The following FOXN1 variants were observed in gnomAD, a reference collection of about 807,000 sequenced individuals.
FOXN1 encodes forkhead box N1, also known as forkhead box protein N1.
Under a neutral mutation model 49.0 loss-of-function variants are expected in FOXN1, and 15 were observed. The observed-to-expected ratio is 0.31, with a 90% CI of 0.20 to 0.47. The LOEUF (loss-of-function observed/expected upper bound fraction) is 0.47. Ranked by LOEUF, FOXN1 falls within the 20% of genes least tolerant of loss-of-function variation. FOXN1 has a pLI of 1.00. For missense variants in FOXN1, 800 were observed against 842.8 expected (o/e 0.95, Z 0.63); for synonymous variants, 356 against 369.0 (o/e 0.96, Z 0.40).
chr17:28,532,987 A>T (rs1025567284), intron 6 of FOXN1, among the ~76,000 whole-genome samples: 3 of 152,194 alleles, frequency 2.0e-5, no homozygotes, highest in Admixed American at 6.5e-5. Context: ...TGGTGGCTCA[A>T]GAATCCTCCC....
chr17:28,527,445 G>A (rs905182420), intron 4 of FOXN1, 84 bp downstream of exon 4: 6 of 804,136 alleles, frequency 7.5e-6, no homozygotes, highest in South Asian at 1.4e-5. Flanking sequence ...TCTATGTGAT[G>A]GCATGTGTTC....
chr17:28,506,699 G>A (rs1263918445), intron 1 of FOXN1, among the ~76,000 whole-genome samples: 1 of 152,174 alleles, frequency 6.6e-6, no homozygotes, highest in Admixed American at 6.5e-5. Context: ...TCTCATTCTG[G>A]TGTGTGCTGG....
chr17:28,509,712 C>T (rs543364889), intron 1 of FOXN1, among the ~76,000 whole-genome samples: 1 of 152,382 alleles, frequency 6.6e-6, no homozygotes, highest in Non-Finnish European at 1.5e-5. Context: ...GGCGCCCAGA[C>T]AGACCTCCAC....
At chr17:28,522,706 T>A (rs2069664882) in intron 1 of FOXN1, among the ~76,000 whole-genome samples, 1 of 150,098 alleles carries the variant, frequency 6.7e-6, no homozygotes. Context: ...GGTGTGGTGG[T>A]ACAAGCCTGT....
At chr17:28,518,268 C>T (rs1224897360) in intron 1 of FOXN1, among the ~76,000 whole-genome samples, 1 of 152,244 alleles carries the variant, frequency 6.6e-6, no homozygotes, top group Non-Finnish European at 1.5e-5. Context: ...GCCTCAGCAT[C>T]TTTAGATGCA....
intron 2 of FOXN1, 69 bp downstream of exon 2, chr17:28,524,161 G>A (rs2069709007): frequency 4.7e-6 from 7 of 1,497,098 alleles, no homozygotes; most frequent in East Asian, 2.5e-5. Context: ...AAGAAGACCA[G>A]TCACCTTACC....
At chr17:28,510,896 C>T (rs1222585761) in intron 1 of FOXN1, among the ~76,000 whole-genome samples, 2 of 152,202 alleles carry the variant, frequency 1.3e-5, no homozygotes, top group African/African-American at 4.8e-5. Context: ...CCAGTATGAT[C>T]TGAGGGTGGT....
rs774123218 is a variant in FOXN1 at position 28,534,481 on chromosome 17, C to T, written c.1078C>T (p.Leu360=). ...CAAGATCGACAAGATGCAAGAGGAG[C>T]TGCAAAAATGGAAGAGGAAAGATCC... is the stretch of plus-strand genomic sequence containing the variant. ...PAKIDKMQEE[L]QKWKRKDPIA... Residue 360 remains leucine, a synonymous_variant, in exon 7 of 9, where the codon CTG becomes TTG. Transcript: ENST00000579795. The surrounding 1 kb of genome is among the most constrained non-coding windows in gnomAD (Gnocchi z 4.1). The T allele has an allele frequency of 6.2e-7, 1 of 1,613,878 alleles. No homozygotes were observed. Among genetic ancestry groups the T allele is most frequent in the South Asian group, 1.1e-5 (1 of 91,074 alleles).
chr17:28,522,785 C>A (rs973378935), intron 1 of FOXN1, among the ~76,000 whole-genome samples: 1 of 151,920 alleles, frequency 6.6e-6, no homozygotes, highest in African/African-American at 2.4e-5. Context: ...TTGCAGTAAG[C>A]CAAGATGATG....
intron 1 of FOXN1, among the ~76,000 whole-genome samples, chr17:28,521,590 G>A (rs987494151): frequency 6.6e-6 from 1 of 152,238 alleles, no homozygotes. Context: ...CCCTGGTCAC[G>A]CCACATTTAG....
chr17:28,508,101 G>A (rs1263148882), intron 1 of FOXN1, among the ~76,000 whole-genome samples: 1 of 152,156 alleles, frequency 6.6e-6, no homozygotes, highest in Non-Finnish European at 1.5e-5. Flanking sequence ...CAGGCCCGGC[G>A]CCTCACTCAC....
chr17:28,521,559 G>C (rs140939323), intron 1 of FOXN1, among the ~76,000 whole-genome samples: 1 of 152,222 alleles, frequency 6.6e-6, no homozygotes, highest in Non-Finnish European at 1.5e-5. Context: ...GTGGTGTCCC[G>C]TTACGGCCAG....
Position 28,537,787 on chromosome 17 carries a change from C to A in FOXN1, c.*351C>A. 2.6e-6 allele frequency: 1 copy of A among 386,888 alleles called. No homozygotes were observed. 24.0% of individuals were successfully genotyped at this position (386,888 alleles called of 1,614,324 possible). A position where few individuals can be genotyped will look rare whatever the true frequency, so the allele number is the denominator to read the frequency against. On this transcript the variant is annotated 3_prime_UTR_variant, in exon 9 of 9. Coordinates refer to ENST00000579795, the MANE Select transcript of FOXN1 (RefSeq NM_001369369.1). ...GTACACCCACCCACATATCTTACAGCCAGAGGAACCAGCACTCCATCACTG... is the reference window on the plus strand; with the variant it reads ...GTACACCCACCCACATATCTTACAGACAGAGGAACCAGCACTCCATCACTG...
In FOXN1 at chr17:28,534,424, C is replaced by A; in HGVS notation, c.1021C>A (p.Arg341Ser). The change falls in exon 7 of 9, where the codon CGC becomes AGC. Residue 341 changes from arginine (R) to serine (S), a missense_variant. By Grantham distance (110) the Arg-to-Ser change is moderately radical (BLOSUM62 -1). This residue lies in a region of FOXN1 where 73 missense variants were observed against 118.9 expected (regional missense o/e 0.61). Transcript: ENST00000579795. The surrounding 1 kb of genome is among the most constrained non-coding windows in gnomAD (Gnocchi z 4.1). ...GGAGAACAAATCAGGAAGTTCCTCC[C>A]GCAAGGGCTGCCTGTGGGCCCTCAA... The part of the protein sequence containing the change: ...KVENKSGSSS[R>S]KGCLWALNPA... 6.2e-7 allele frequency: 1 copy of A among 1,614,130 alleles called. No homozygotes were observed. Among genetic ancestry groups the A allele is most frequent in the Non-Finnish European group, 8.5e-7 (1 of 1,180,002 alleles).
chr17:28,517,367 A>G lies in FOXN1; in HGVS notation c.-14-6589A>G, dbSNP rs112314481. ...CAGGGTACAGGGTACACACCTCCAC[A>G]GGGCAGACACCTCCACAGGATCCAT... is the stretch of plus-strand genomic sequence containing the variant. On this transcript the variant is annotated intron_variant, in intron 1 of 8. Coordinates refer to ENST00000579795, the MANE Select transcript of FOXN1 (RefSeq NM_001369369.1). Among the ~76,000 whole-genome samples, 1,302 of 149,208 alleles carry G rather than the reference A, an allele frequency of 8.7e-3. 10 individuals carry two copies. The highest frequency in any genetic ancestry group is 0.029 in the African/African-American group (1,146 of 40,078).
Position 28,537,203 on chromosome 17 carries a change from C to A in FOXN1, c.1714C>A (p.Pro572Thr). The change falls in exon 9 of 9, where the codon CCA (proline) becomes ACA (threonine). Residue 572 changes from proline (P) to threonine (T), a missense_variant. Around this residue, in one of 3 missense-constraint regions of FOXN1, gnomAD observed 344 missense variants for 366.1 expected, o/e 0.94. Coordinates refer to ENST00000579795, the MANE Select transcript of FOXN1 (RefSeq NM_001369369.1). ...CTCATCCCCGACATCATCTTCGATG[C>A]CACCACCCCAGCCACCACCTCACTG... ...VTSSPTSSSM[P>T]PPQPPPHCFP... 6.2e-7 allele frequency: 1 copy of A among 1,613,582 alleles called. No homozygotes were observed. The highest frequency in any genetic ancestry group is 8.5e-7 in the Non-Finnish European group (1 of 1,179,520).
chr17:28,510,617 G>A (rs549721328), intron 1 of FOXN1, among the ~76,000 whole-genome samples: 257 of 149,458 alleles, frequency 1.7e-3, no homozygotes, highest in African/African-American at 6.2e-3. Context: ...CACACACATC[G>A]CTGTGATCAG....
intron 3 of FOXN1, among the ~76,000 whole-genome samples, chr17:28,525,327 AG>A (rs1418661698): frequency 6.6e-6 from 1 of 152,168 alleles, no homozygotes; most frequent in Non-Finnish European, 1.5e-5. Flanking sequence ...GCCAAGGGAA[AG>A]GGTTTGGGGA....
chr17:28,509,495 C>T (rs2069341577), intron 1 of FOXN1, among the ~76,000 whole-genome samples: 1 of 152,216 alleles, frequency 6.6e-6, no homozygotes, highest in Non-Finnish European at 1.5e-5. Context: ...TAACACCCCT[C>T]ACCAGCATCC....
Sources: allele counts gnomAD v4.1 joint callset (sites outside exome capture counted in the v4.1 genomes callset), GRCh38; gene constraint gnomAD v4.1.1; regional missense constraint gnomAD v4.1.1; non-coding constraint Gnocchi (gnomAD v3.1); transcripts MANE v1.5; gene names NCBI Gene and HGNC (gene_info 2026-07-23, HGNC 2026-07-21).